CGNL1: variants seen among roughly 807,000 people sequenced by gnomAD.
CGNL1 encodes cingulin-like protein 1.
Under a neutral mutation model 141.2 loss-of-function variants are expected in CGNL1, and 132 were observed. The observed-to-expected ratio is 0.93, with a 90% CI of 0.81 to 1.08. CGNL1 has a LOEUF of 1.08. Among genes scored for constraint, CGNL1 ranks in the 50% least tolerant of loss-of-function variants. The pLI, the probability that CGNL1 is intolerant of heterozygous loss-of-function variation, is 0.00. For missense variants in CGNL1, 1,870 were observed against 1,588.6 expected, an observed-to-expected ratio of 1.18 and a Z score of -3.01; for synonymous variants, 690 against 622.1, an observed-to-expected ratio of 1.11 and a Z score of -1.63.
At chr15:57,381,513 A>C (rs555602076) in intron 1 of CGNL1, among the ~76,000 whole-genome samples, 1 of 152,290 alleles carries the variant, frequency 6.6e-6, no homozygotes, top group East Asian at 1.9e-4. Flanking sequence ...GTGAACCATG[A>C]TCATGCCACT....
At chr15:57,470,819 T>C (rs1328047221) in intron 8 of CGNL1, among the ~76,000 whole-genome samples, 1 of 151,984 alleles carries the variant, frequency 6.6e-6, no homozygotes, top group East Asian at 1.9e-4. Flanking sequence ...ATGTGCAGAG[T>C]AGGAGATTAG....
chr15:57,485,668 CAA>C (rs1256436762), intron 8 of CGNL1, among the ~76,000 whole-genome samples: 1 of 152,134 alleles, frequency 6.6e-6, no homozygotes, highest in Non-Finnish European at 1.5e-5. Flanking sequence ...TTAGTAAAAA[CAA>C]ATGATAGAAA....
intron 8 of CGNL1, among the ~76,000 whole-genome samples, chr15:57,470,256 C>CTTTTTTTTTTTTTTTTT (rs60982599): frequency 8.8e-6 from 1 of 113,996 alleles, no homozygotes; most frequent in Non-Finnish European, 1.7e-5. Context: ...TTTTGTCTCT[C>CTTTTTTTTTTTTTTTTT]TTTTTTTTTT....
chr15:57,382,121 T>C (rs1185237386), intron 1 of CGNL1, among the ~76,000 whole-genome samples: 1 of 152,212 alleles, frequency 6.6e-6, no homozygotes, highest in African/African-American at 2.4e-5. Flanking sequence ...TTCCTGTTTA[T>C]GTGGTACTCG....
intron 8 of CGNL1, among the ~76,000 whole-genome samples, chr15:57,506,552 G>A (rs1166978430): frequency 2.6e-5 from 4 of 152,182 alleles, no homozygotes; most frequent in Non-Finnish European, 5.9e-5. Context: ...GTGAGTGTGT[G>A]GATGTAGCTG....
intron 14 of CGNL1, among the ~76,000 whole-genome samples, chr15:57,533,229 G>C (rs2032057603): frequency 6.6e-6 from 1 of 152,178 alleles, no homozygotes; most frequent in South Asian, 2.1e-4. Flanking sequence ...CGTGTTCCCA[G>C]GCTATGATTT....
intron 8 of CGNL1, among the ~76,000 whole-genome samples, chr15:57,468,234 C>CTTTTTTTTTTTTTTTTT (rs57360097): frequency 2.3e-5 from 2 of 85,916 alleles, no homozygotes; most frequent in African/African-American, 5.0e-5. Flanking sequence ...TTTTCTTTTT[C>CTTTTTTTTTTTTTTTTT]TTTTTTTTTT....
intron 1 of CGNL1, among the ~76,000 whole-genome samples, chr15:57,413,193 C>CTCTT (rs1157230512): frequency 3.2e-5 from 4 of 126,958 alleles, no homozygotes; most frequent in East Asian, 2.3e-4. Flanking sequence ...TTCTCTCTTT[C>CTCTT]TCTTTCTCTC....
intron 1 of CGNL1, among the ~76,000 whole-genome samples, chr15:57,430,045 A>C (rs2152294758): frequency 6.6e-6 from 1 of 152,314 alleles, no homozygotes; most frequent in Middle Eastern, 3.4e-3. Context: ...TCTTGGGCTC[A>C]AGTGACCCAC....
At chr15:57,415,045 C>G (rs576752794) in intron 1 of CGNL1, among the ~76,000 whole-genome samples, 1 of 152,152 alleles carries the variant, frequency 6.6e-6, no homozygotes, top group Admixed American at 6.5e-5. Context: ...TCTTATGGAA[C>G]CCATGGCAGG....
intron 1 of CGNL1, among the ~76,000 whole-genome samples, chr15:57,433,106 A>G (rs1258930634): frequency 1.3e-5 from 2 of 152,234 alleles, no homozygotes; most frequent in East Asian, 3.8e-4. Context: ...AATACCACAC[A>G]CAAAAAATTT....
intron 1 of CGNL1, among the ~76,000 whole-genome samples, chr15:57,406,492 C>T (rs1035569968): frequency 3.3e-5 from 5 of 152,192 alleles, no homozygotes; most frequent in East Asian, 3.9e-4. Flanking sequence ...AGGGTGGAGG[C>T]GAGTGGCTCA....
chr15:57,506,870 A>T (rs2064110779), intron 8 of CGNL1, among the ~76,000 whole-genome samples: 1 of 152,238 alleles, frequency 6.6e-6, no homozygotes, highest in Admixed American at 6.5e-5. Context: ...AAGCAGGACC[A>T]ATTCAGGTCT....
chr15:57,448,503 C>A (rs559328884), intron 4 of CGNL1, among the ~76,000 whole-genome samples: 3 of 152,042 alleles, frequency 2.0e-5, no homozygotes, highest in African/African-American at 7.2e-5. Flanking sequence ...ACAAAATTAA[C>A]CAGGTGTGAT....
intron 1 of CGNL1, among the ~76,000 whole-genome samples, chr15:57,403,735 A>T (rs965601455): frequency 8.5e-5 from 13 of 152,230 alleles, no homozygotes; most frequent in African/African-American, 3.1e-4. Context: ...ATCTAAATAG[A>T]TGGAGGTGAC....
intron 6 of CGNL1, 138 bp downstream of exon 6, chr15:57,452,427 C>T (rs2063332967): frequency 2.7e-6 from 2 of 747,380 alleles, no homozygotes; most frequent in African/African-American, 3.6e-5. Flanking sequence ...TTCCTCTTAT[C>T]TTTGTAAAAT....
At chr15:57,386,502 C>T (rs552425283) in intron 1 of CGNL1, among the ~76,000 whole-genome samples, 7 of 152,222 alleles carry the variant, frequency 4.6e-5, no homozygotes, top group South Asian at 2.1e-4. Flanking sequence ...TAGTAGGAGG[C>T]CCCCCAAATA....
At chr15:57,428,709 A>G (rs1224724428) in intron 1 of CGNL1, among the ~76,000 whole-genome samples, 2 of 152,086 alleles carry the variant, frequency 1.3e-5, no homozygotes, top group Admixed American at 6.6e-5. Context: ...GGAAAAAAAA[A>G]TGTCTAAAGT....
At chr15:57,464,562 T>G (rs1301586826) in intron 8 of CGNL1, among the ~76,000 whole-genome samples, 1 of 152,142 alleles carries the variant, frequency 6.6e-6, no homozygotes, top group African/African-American at 2.4e-5. Context: ...GTCCCTGCCA[T>G]GTAGTTCCTG....
Sources: gnomAD v4.1 joint callset for allele counts (sites outside exome capture counted in the v4.1 genomes callset) on GRCh38, gnomAD v4.1.1 for gene constraint, MANE v1.5 for transcripts, NCBI Gene and HGNC (gene_info 2026-07-23, HGNC 2026-07-21) for gene names.